SH2D6: variants seen among roughly 807,000 people sequenced by gnomAD.
SH2D6 encodes SH2 domain-containing protein 6.
Under a neutral mutation model 30.2 loss-of-function variants are expected in SH2D6, and 31 were observed. The ratio of observed to expected loss-of-function variants is 1.03; its 90% confidence interval spans 0.77 to 1.38. The LOEUF is 1.38. Ranked by LOEUF, SH2D6 falls within the 40% of genes most tolerant of loss-of-function variation. The probability of loss-of-function intolerance (pLI) is 0.00; values close to 1 mark genes in which losing one functional copy is unlikely to be tolerated. For synonymous variants in SH2D6, 93 were observed against 104.6 expected, an observed-to-expected ratio of 0.89 and a Z score of 0.68; for missense variants, 240 against 266.8, an observed-to-expected ratio of 0.90 and a Z score of 0.70.
At chr2:85,433,508 A>C (rs541854623) in intron 15 of SH2D6, 63 bp from the exon 16 acceptor site, 7 of 899,328 alleles carry the variant, frequency 7.8e-6, no homozygotes, top group Admixed American at 6.2e-5. Context: ...CCAAAACCCC[A>C]GTCCTAAATG....
intron 2 of SH2D6, chr2:85,420,783 C>T (rs150339178): frequency 0.012 from 1,903 of 152,438 alleles, 18 homozygotes; most frequent in Middle Eastern, 0.048. Context: ...CGTCAGCCTC[C>T]GGGCCCAGGA....
At chr2:85,419,869 G>T (rs1052443486) in intron 2 of SH2D6, among the ~76,000 whole-genome samples, 1 of 152,216 alleles carries the variant, frequency 6.6e-6, no homozygotes, top group Non-Finnish European at 1.5e-5. Flanking sequence ...AGATTCTCTT[G>T]ATAGCAGATG....
intron 14 of SH2D6, 97 bp from the exon 15 acceptor site, chr2:85,433,002 C>A (rs976422705): frequency 1.1e-6 from 1 of 952,328 alleles, no homozygotes; most frequent in East Asian, 1.2e-4. Flanking sequence ...TCCTCGGAGG[C>A]ACCCTAAGGA....
rs527275490 is a variant in SH2D6 at position 85,434,853 on chromosome 2, G to A, written c.590-212G>A. 40 of 1,502,828 alleles carry A rather than the reference G, an allele frequency of 2.7e-5. No individual in the cohort carries two copies. The Admixed American group carries it at 7.0e-4, about 26-fold the overall frequency. The allele number at this position is 1,502,828 out of a possible 1,614,324, so 93.1% of individuals were successfully genotyped here. On this transcript the variant is annotated intron_variant, in intron 19 of 23. Coordinates refer to ENST00000469800, the MANE Select transcript of SH2D6 (RefSeq NM_001394463.1). The stretch of plus-strand genomic sequence containing the variant: ...CTCCTAGTCTGTGCCCCAAGATCAC[G>A]CCTCATTTGGAGGTCACACGAGGCC...
intron 2 of SH2D6, among the ~76,000 whole-genome samples, chr2:85,420,522 A>G (rs763392007): frequency 1.3e-5 from 2 of 152,250 alleles, no homozygotes; most frequent in African/African-American, 4.8e-5. Flanking sequence ...CCCTTGGGAC[A>G]TGCAGTGTGC....
chr2:85,420,088 T>A (rs1687690911), intron 2 of SH2D6, among the ~76,000 whole-genome samples: 2 of 151,560 alleles, frequency 1.3e-5, no homozygotes, highest in South Asian at 4.2e-4. Context: ...AAGAGCCCGT[T>A]CTGTTTTGTT....
intron 6 of SH2D6, 35 bp downstream of exon 6, chr2:85,425,442 T>C (rs1687963203): frequency 6.6e-6 from 1 of 151,842 alleles, no homozygotes; most frequent in African/African-American, 2.4e-5. Context: ...TAGTTTTGTA[T>C]TGTTTTTAGT....
chr2:85,426,365 G>A (rs1177562319), intron 6 of SH2D6, among the ~76,000 whole-genome samples: 1 of 152,198 alleles, frequency 6.6e-6, no homozygotes, highest in Non-Finnish European at 1.5e-5. Context: ...TGTTGGCTGT[G>A]TTAGGCCTCA....
chr2:85,436,681 C>T, intron 23 of SH2D6, 87 bp downstream of exon 23: 1 of 984,776 alleles, frequency 1.0e-6, no homozygotes, highest in Non-Finnish European at 1.6e-6. Flanking sequence ...CCTCCTCACC[C>T]TAGCCTTTCC....
At chr2:85,431,793 T>A (rs2104920141) in intron 13 of SH2D6, 106 bp from the exon 14 acceptor site, 1 of 152,728 alleles carries the variant, frequency 6.5e-6, no homozygotes, top group South Asian at 2.1e-4. Flanking sequence ...CTTTTGTACA[T>A]TTTTTAAAGC....
chr2:85,419,628 A>G (rs1006153045), intron 2 of SH2D6, among the ~76,000 whole-genome samples: 1 of 152,056 alleles, frequency 6.6e-6, no homozygotes, highest in African/African-American at 2.4e-5. Flanking sequence ...TCTGTCTCCA[A>G]CTCCATTTTC....
rs1573249798 is a variant in SH2D6, at chr2:85,434,761, T to C, written c.589+264T>C. 1.0e-5 allele frequency: 15 copies of C among 1,450,528 alleles called. No individual in the cohort carries two copies. In the East Asian group the frequency reaches 3.5e-4, roughly 34 times the overall value. The allele number at this position is 1,450,528 out of a possible 1,614,324, so 89.9% of individuals were successfully genotyped here. ...CTGAGGATGTCCCTGAAGCTCTGAC[T>C]CCAGCTGAGATCAGGCCTGAGGGGA... On this transcript the variant is annotated intron_variant, in intron 19 of 23. Transcript: ENST00000469800.
intron 13 of SH2D6, 52 bp downstream of exon 13, chr2:85,431,320 T>G (rs1688621775): frequency 6.9e-6 from 1 of 145,854 alleles, no homozygotes; most frequent in Non-Finnish European, 1.5e-5. Context: ...CATCCCAGGC[T>G]GCCATTTCCC....
chr2:85,434,635 ACT>A, intron 19 of SH2D6, 138 bp downstream of exon 19: 5 of 1,249,816 alleles, frequency 4.0e-6, no homozygotes, highest in South Asian at 1.5e-5. Flanking sequence ...AAAAAAAAAA[ACT>A]AGGTGAATGC....
intron 19 of SH2D6, chr2:85,434,741 G>A: frequency 1.4e-6 from 2 of 1,445,188 alleles, no homozygotes; most frequent in African/African-American, 1.4e-5. Context: ...AGTTACTGAG[G>A]ATGTCCCTGA....
chr2:85,433,975 C>G, intron 16 of SH2D6, 58 bp from the exon 17 acceptor site: 2 of 1,429,918 alleles, frequency 1.4e-6, no homozygotes, highest in South Asian at 2.5e-5. Flanking sequence ...CTGCCCTGGT[C>G]AGCATGGATT....
intron 18 of SH2D6, 40 bp downstream of exon 18, chr2:85,434,410 G>A: frequency 6.4e-7 from 1 of 1,550,620 alleles, no homozygotes; most frequent in Non-Finnish European, 8.7e-7. Context: ...AGGGAGGCAG[G>A]GAGGGAGGCT....
chr2:85,432,469 G>A lies in SH2D6; in HGVS notation c.370+510G>A, dbSNP rs182707637. Among the ~76,000 whole-genome samples the A allele has an allele frequency of 7.6e-3, 1,153 of 150,926 alleles. 10 individuals carry two copies. Among genetic ancestry groups the A allele is most frequent in the African/African-American group, 0.026 (1,076 of 41,104 alleles). ...GGCTGGAGTGCAGTGGCGCAATCTC[G>A]GCTCACTGCAGGCTCCGCCCCCTGG... On this transcript the variant is annotated intron_variant, in intron 14 of 23. Transcript: ENST00000469800.
At chr2:85,435,295 A>AG in intron 20 of SH2D6, 118 bp from the exon 21 acceptor site, 2 of 1,299,964 alleles carry the variant, frequency 1.5e-6, no homozygotes, top group Non-Finnish European at 2.2e-6. Context: ...GTTCTGCCTG[A>AG]GGGGGACTCA....
Sources: gnomAD v4.1 joint callset for allele counts (sites outside exome capture counted in the v4.1 genomes callset) on GRCh38, gnomAD v4.1.1 for gene constraint, MANE v1.5 for transcripts, NCBI Gene and HGNC (gene_info 2026-07-23, HGNC 2026-07-21) for gene names.